Variants in REDIC1 observed in about 807,000 individuals in gnomAD.
The protein encoded by REDIC1 is regulator of DNA class I crossover intermediates 1, also known as HEI10 Interacting Protein 1.
chr12:39,877,401 C>G, the REDIC1 span, among the ~76,000 whole-genome samples: 12 of 152,158 alleles, frequency 7.9e-5, no homozygotes, highest in Admixed American at 7.9e-4. Flanking sequence ...TGGAACCCCC[C>G]CTCCATGATT....
chr12:39,711,958 T>A, the REDIC1 span, among the ~76,000 whole-genome samples: 1 of 130,828 alleles, frequency 7.6e-6, no homozygotes, highest in South Asian at 2.4e-4. Context: ...TACATACATA[T>A]ATATCTATGT....
At chr12:39,666,971 G>A in the REDIC1 span, among the ~76,000 whole-genome samples, 1 of 151,804 alleles carries the variant, frequency 6.6e-6, no homozygotes, top group African/African-American at 2.4e-5. Flanking sequence ...TTCTTTATTA[G>A]TCTTGCTAGC....
chr12:39,809,552 A>T, the REDIC1 span, among the ~76,000 whole-genome samples: 1 of 152,168 alleles, frequency 6.6e-6, no homozygotes, highest in Non-Finnish European at 1.5e-5. Flanking sequence ...CATGTGCACA[A>T]CGTGCAGGTT....
the REDIC1 span, among the ~76,000 whole-genome samples, chr12:39,669,107 C>T: frequency 6.6e-6 from 1 of 152,174 alleles, no homozygotes; most frequent in Non-Finnish European, 1.5e-5. Context: ...GAGCTGCGTT[C>T]CTTTAGAGTA....
chr12:39,806,818 A>G, the REDIC1 span, among the ~76,000 whole-genome samples: 1 of 152,180 alleles, frequency 6.6e-6, no homozygotes, highest in Non-Finnish European at 1.5e-5. Context: ...TTAAAATTGG[A>G]AACAACCCAT....
chr12:39,874,602 C>G, the REDIC1 span, among the ~76,000 whole-genome samples: 8 of 91,674 alleles, frequency 8.7e-5, no homozygotes, highest in African/African-American at 3.5e-4. Flanking sequence ...GCAACAAAAG[C>G]AAAACTCCAT....
chr12:39,900,653 G>T, the REDIC1 span, among the ~76,000 whole-genome samples: 1 of 152,218 alleles, frequency 6.6e-6, no homozygotes, highest in South Asian at 2.1e-4. Context: ...ACCTCTTCAA[G>T]GAGAACCACA....
the REDIC1 span, among the ~76,000 whole-genome samples, chr12:39,812,367 C>CTTTTCTT: frequency 7.0e-6 from 1 of 142,536 alleles, no homozygotes; most frequent in Non-Finnish European, 1.5e-5. Flanking sequence ...CTTTTCTTTT[C>CTTTTCTT]TTTTCTTTTC....
chr12:39,786,034 A>G, the REDIC1 span, among the ~76,000 whole-genome samples: 3 of 152,106 alleles, frequency 2.0e-5, no homozygotes, highest in African/African-American at 7.2e-5. Context: ...CTTTTGAGTT[A>G]ATGCTGAAAT....
chr12:39,891,151 G>T, the REDIC1 span, among the ~76,000 whole-genome samples: 1 of 149,334 alleles, frequency 6.7e-6, no homozygotes, highest in Non-Finnish European at 1.5e-5. Context: ...TTTTGAGGAT[G>T]CATCTAGGAT....
At chr12:39,659,522 G>A in the REDIC1 span, among the ~76,000 whole-genome samples, 354 of 151,800 alleles carry the variant, frequency 2.3e-3, 1 homozygote, top group Non-Finnish European at 3.5e-3. Flanking sequence ...TATCTTCCAC[G>A]TCCATAATTG....
At chr12:39,633,231 T>A in the REDIC1 span, among the ~76,000 whole-genome samples, 1 of 152,110 alleles carries the variant, frequency 6.6e-6, no homozygotes, top group Non-Finnish European at 1.5e-5. Flanking sequence ...TTAGTCTAAG[T>A]TTTTTCTATT....
chr12:39,741,619 G>C, the REDIC1 span, among the ~76,000 whole-genome samples: 2 of 152,322 alleles, frequency 1.3e-5, no homozygotes, highest in South Asian at 4.1e-4. Flanking sequence ...TCTTGAGTAC[G>C]TGGTCCCACA....
the REDIC1 span, among the ~76,000 whole-genome samples, chr12:39,639,341 A>C: frequency 2.6e-5 from 4 of 151,942 alleles, no homozygotes; most frequent in East Asian, 7.7e-4. Context: ...TAGCGAGTCC[A>C]CCCTGAACGT....
the REDIC1 span, chr12:39,626,384 G>T: frequency 6.2e-7 from 1 of 1,614,022 alleles, no homozygotes; most frequent in Non-Finnish European, 8.5e-7. Context: ...TGGAGTTTGA[G>T]GCTGGGACAT....
chr12:39,651,856 G>A, the REDIC1 span, among the ~76,000 whole-genome samples: 1 of 152,116 alleles, frequency 6.6e-6, no homozygotes, highest in Admixed American at 6.5e-5. Context: ...ATCCCCAGTA[G>A]TTTATTTGGG....
At chr12:39,861,721 T>C in the REDIC1 span, among the ~76,000 whole-genome samples, 1 of 152,220 alleles carries the variant, frequency 6.6e-6, no homozygotes, top group African/African-American at 2.4e-5. Context: ...ATTCAGATGA[T>C]ACTCATGCTA....
chr12:39,655,248 T>C, the REDIC1 span, among the ~76,000 whole-genome samples: 1 of 152,196 alleles, frequency 6.6e-6, no homozygotes, highest in Non-Finnish European at 1.5e-5. Context: ...TTTATAATTT[T>C]CTTTTTCTGC....
chr12:39,743,221 G>C, the REDIC1 span, among the ~76,000 whole-genome samples: 2 of 152,132 alleles, frequency 1.3e-5, no homozygotes, highest in Non-Finnish European at 2.9e-5. Flanking sequence ...ACTGACTTGG[G>C]GGAAGGGAAT....
Sources: allele counts gnomAD v4.1 joint callset (sites outside exome capture counted in the v4.1 genomes callset), GRCh38; gene constraint gnomAD v4.1.1; transcripts MANE v1.5; gene names NCBI Gene and HGNC (gene_info 2026-07-23, HGNC 2026-07-21).